TASP1: variants seen among roughly 807,000 people sequenced by gnomAD.
The protein encoded by TASP1 is threonine aspartase 1.
A neutral mutation model predicts 56.6 loss-of-function variants in TASP1; 16 were observed. That is an observed-to-expected ratio of 0.28 (90% CI 0.19 to 0.43). TASP1 has a LOEUF of 0.43. Among genes scored for constraint, TASP1 ranks in the 20% least tolerant of loss-of-function variants. The probability of loss-of-function intolerance (pLI) is 1.00; values close to 1 mark genes in which losing one functional copy is unlikely to be tolerated. For missense variants in TASP1, 393 were observed against 511.6 expected, an observed-to-expected ratio of 0.77 and a Z score of 2.24; for synonymous variants, 179 against 184.2, an observed-to-expected ratio of 0.97 and a Z score of 0.23.
chr20:13,153,421 T>C, the TASP1 span, among the ~76,000 whole-genome samples: 1 of 152,090 alleles, frequency 6.6e-6, no homozygotes, highest in Admixed American at 6.5e-5. Flanking sequence ...TCCCCCTCTT[T>C]CCTCCCTTCT....
At chr20:13,176,103 G>T in the TASP1 span, among the ~76,000 whole-genome samples, 1 of 152,138 alleles carries the variant, frequency 6.6e-6, no homozygotes, top group Non-Finnish European at 1.5e-5. Context: ...CCATATAAAA[G>T]AAAATTATTG....
At chr20:13,134,817 C>T in the TASP1 span, among the ~76,000 whole-genome samples, 17 of 152,142 alleles carry the variant, frequency 1.1e-4, no homozygotes, top group Non-Finnish European at 2.2e-4. Flanking sequence ...AGAAAAAGCC[C>T]GAAAGAGAAA....
the TASP1 span, among the ~76,000 whole-genome samples, chr20:13,340,560 T>A: frequency 1.3e-5 from 2 of 152,102 alleles, no homozygotes; most frequent in African/African-American, 4.8e-5. Flanking sequence ...GATGTGCATA[T>A]CTGTGAGGAG....
rs546419566 is a variant in TASP1, at chr20:13,469,792, C to CTTTTTTTTTTTTTTTTTTT, written c.985+13416_985+13434dup. Among the ~76,000 whole-genome samples, 18 of 39,544 alleles carry CTTTTTTTTTTTTTTTTTTT rather than the reference C, an allele frequency of 4.6e-4. 3 individuals carry two copies. Among genetic ancestry groups the CTTTTTTTTTTTTTTTTTTT allele is most frequent in the Admixed American group, 9.0e-4 (2 of 2,234 alleles). The allele number at this position is 39,544 out of a possible 152,430, so 25.9% of individuals were successfully genotyped here. A position where few individuals can be genotyped will look rare whatever the true frequency, so the allele number is the denominator to read the frequency against. On this transcript the variant is annotated intron_variant, in intron 11 of 13. Coordinates refer to ENST00000337743, the MANE Select transcript of TASP1 (RefSeq NM_017714.3). ...ACAGTTGTCCAGGTCAATAAATGTC[C>CTTTTTTTTTTTTTTTTTTT]TTTTTTTTTTTTTTTTTTTTTTTTT... is the stretch of plus-strand genomic sequence containing the variant.
At chr20:13,459,439 C>T (rs1347630792) in intron 11 of TASP1, among the ~76,000 whole-genome samples, 14 of 152,134 alleles carry the variant, frequency 9.2e-5, no homozygotes, top group Non-Finnish European at 1.5e-5. Context: ...AATTGGTCTG[C>T]TCTTGCCCCA....
At chr20:13,219,600 A>C in the TASP1 span, among the ~76,000 whole-genome samples, 5 of 150,714 alleles carry the variant, frequency 3.3e-5, no homozygotes, top group East Asian at 5.9e-4. Flanking sequence ...TTCCCCACCC[A>C]AAAAAAAATA....
intron 10 of TASP1, among the ~76,000 whole-genome samples, chr20:13,509,705 A>C (rs2044257451): frequency 6.6e-6 from 1 of 152,108 alleles, no homozygotes; most frequent in Non-Finnish European, 1.5e-5. Context: ...GGCCAACCGC[A>C]ACTTCCACCT....
intron 12 of TASP1, among the ~76,000 whole-genome samples, chr20:13,424,603 C>T (rs1402669930): frequency 1.3e-5 from 2 of 151,988 alleles, no homozygotes; most frequent in Non-Finnish European, 2.9e-5. Context: ...AAAGCGCTGG[C>T]TATAACAGTC....
chr20:13,198,755 T>C, the TASP1 span, among the ~76,000 whole-genome samples: 1 of 152,198 alleles, frequency 6.6e-6, no homozygotes, highest in East Asian at 1.9e-4. Flanking sequence ...CATTGTTTTT[T>C]CTGGGCTTTT....
At chr20:13,119,657 TCTC>T in the TASP1 span, among the ~76,000 whole-genome samples, 205 of 152,280 alleles carry the variant, frequency 1.3e-3, no homozygotes, top group African/African-American at 4.7e-3. Flanking sequence ...TTCTCTGTCT[TCTC>T]TTCCCTTCAT....
the TASP1 span, among the ~76,000 whole-genome samples, chr20:13,215,141 C>T: frequency 6.6e-6 from 1 of 152,148 alleles, no homozygotes; most frequent in African/African-American, 2.4e-5. Flanking sequence ...ATACAAAGCA[C>T]GTTGGTCTTG....
At chr20:13,289,396 G>A in the TASP1 span, among the ~76,000 whole-genome samples, 8 of 152,200 alleles carry the variant, frequency 5.3e-5, no homozygotes, top group Non-Finnish European at 1.2e-4. Flanking sequence ...TCCCAGGAGC[G>A]CAACCTGGGG....
chr20:13,586,736 G>GA (rs377447002), intron 5 of TASP1, among the ~76,000 whole-genome samples: 12 of 151,894 alleles, frequency 7.9e-5, no homozygotes, highest in Non-Finnish European at 1.2e-4. Flanking sequence ...TACTGATGTG[G>GA]AAAAAATCTC....
chr20:13,595,844 A>G (rs2047708625), intron 4 of TASP1, among the ~76,000 whole-genome samples: 1 of 152,218 alleles, frequency 6.6e-6, no homozygotes, highest in South Asian at 2.1e-4. Context: ...AAGGATATCC[A>G]GGGCTTGAAC....
chr20:13,572,331 T>C (rs2046744670), intron 6 of TASP1, among the ~76,000 whole-genome samples: 1 of 152,112 alleles, frequency 6.6e-6, no homozygotes, highest in Non-Finnish European at 1.5e-5. Flanking sequence ...TTAAAGCAGA[T>C]CTAAATGGTT....
chr20:13,289,936 T>C, the TASP1 span, among the ~76,000 whole-genome samples: 2 of 152,330 alleles, frequency 1.3e-5, no homozygotes, highest in South Asian at 2.1e-4. Context: ...AGACTTCCTT[T>C]TTCTACCTTA....
At chr20:13,195,093 A>C in the TASP1 span, among the ~76,000 whole-genome samples, 1 of 152,184 alleles carries the variant, frequency 6.6e-6, no homozygotes, top group African/African-American at 2.4e-5. Context: ...AAACCTACTC[A>C]ATCCATGCCT....
At chr20:13,268,547 T>A in the TASP1 span, among the ~76,000 whole-genome samples, 1 of 152,170 alleles carries the variant, frequency 6.6e-6, no homozygotes, top group Non-Finnish European at 1.5e-5. Context: ...ACAAAGACAC[T>A]GCCCCCGGCC....
At chr20:13,321,913 C>T in the TASP1 span, among the ~76,000 whole-genome samples, 1 of 152,158 alleles carries the variant, frequency 6.6e-6, no homozygotes, top group Non-Finnish European at 1.5e-5. Flanking sequence ...TGACCTTGAG[C>T]AAGGTACTTA....
Sources: gnomAD v4.1 joint callset for allele counts (sites outside exome capture counted in the v4.1 genomes callset) on GRCh38, gnomAD v4.1.1 for gene constraint, MANE v1.5 for transcripts, NCBI Gene and HGNC (gene_info 2026-07-23, HGNC 2026-07-21) for gene names.